DNAH2: variants seen among roughly 807,000 people sequenced by gnomAD.
DNAH2 encodes the protein dynein axonemal heavy chain 2, also known as axonemal beta dynein heavy chain 2.
A neutral mutation model predicts 523.5 loss-of-function variants in DNAH2; 323 were observed. That is an observed-to-expected ratio of 0.62 (90% confidence interval 0.56 to 0.68). The LOEUF (loss-of-function observed/expected upper bound fraction) is 0.68, where lower values mean the gene tolerates loss of function less well. Among genes scored for constraint, DNAH2 ranks in the 30% least tolerant of loss-of-function variants. The pLI, the probability that DNAH2 is intolerant of heterozygous loss-of-function variation, is 0.00. For missense variants in DNAH2, 4,907 were observed against 5,701.5 expected, an observed-to-expected ratio of 0.86 and a Z score of 4.49; for synonymous variants, 2,093 against 2,177.4, an observed-to-expected ratio of 0.96 and a Z score of 1.08.
intron 35 of DNAH2, among the ~76,000 whole-genome samples, chr17:7,778,891 A>G (rs1410693307): frequency 6.6e-6 from 1 of 152,168 alleles, no homozygotes; most frequent in African/African-American, 2.4e-5. Flanking sequence ...TACAACTAGG[A>G]AAGTCCCTTC....
chr17:7,809,386 C>T (rs1181280771), intron 63 of DNAH2, among the ~76,000 whole-genome samples: 3 of 152,104 alleles, frequency 2.0e-5, no homozygotes, highest in East Asian at 1.9e-4. Flanking sequence ...AAGCTGCCCA[C>T]GAGGCCTCTT....
Position 7,778,385 on chromosome 17 carries a change from C to T in DNAH2, c.5457C>T (p.Ala1819=). Residue 1819 remains alanine (A), a synonymous_variant, in exon 35 of 86, where the codon GCC becomes GCT. Coordinates refer to ENST00000572933, the MANE Select transcript of DNAH2 (RefSeq NM_020877.5). ...KTETVKDLGK[A]LGIYVIVVNC... Reference sequence around the variant, plus strand: ...AGACCGTCAAGGACCTGGGCAAGGCCCTGGGCATATATGTCATTGTGGTCA... The same window carrying T: ...AGACCGTCAAGGACCTGGGCAAGGCTCTGGGCATATATGTCATTGTGGTCA... The T allele has an allele frequency of 6.2e-7, 1 of 1,614,204 alleles. No individual in the cohort carries two copies. The highest frequency in any genetic ancestry group is 8.5e-7 in the Non-Finnish European group (1 of 1,180,036).
At chr17:7,808,962 T>C (rs1486307685) in intron 63 of DNAH2, among the ~76,000 whole-genome samples, 1 of 152,164 alleles carries the variant, frequency 6.6e-6, no homozygotes, top group African/African-American at 2.4e-5. Context: ...CTTATCAGTA[T>C]GTAAAGAGCC....
intron 24 of DNAH2, 115 bp from the exon 25 acceptor site, chr17:7,770,137 A>G: frequency 7.2e-7 from 1 of 1,390,982 alleles, no homozygotes; most frequent in Non-Finnish European, 9.6e-7. Flanking sequence ...CCTGTTTAGC[A>G]AAATGAGTTG....
intron 12 of DNAH2, among the ~76,000 whole-genome samples, chr17:7,748,108 TC>T (rs1446187638): frequency 6.6e-6 from 1 of 152,242 alleles, no homozygotes; most frequent in Non-Finnish European, 1.5e-5. Context: ...GGTTTTGGTA[TC>T]CCACCTATAT....
At chr17:7,775,829 G>A (rs562371571) in intron 30 of DNAH2, among the ~76,000 whole-genome samples, 195 bp from the exon 31 acceptor site, 2 of 151,886 alleles carry the variant, frequency 1.3e-5, no homozygotes, top group South Asian at 2.1e-4. Context: ...GCTCTGAACC[G>A]AAATTTCCTT....
At chr17:7,793,501 TTC>T (rs1275283542) in intron 48 of DNAH2, among the ~76,000 whole-genome samples, 1 of 137,812 alleles carries the variant, frequency 7.3e-6, no homozygotes, top group East Asian at 1.9e-4. Flanking sequence ...CTTTCTTTCT[TTC>T]TTTCTTTCTT....
chr17:7,785,393 G>A (rs549470416), intron 39 of DNAH2, among the ~76,000 whole-genome samples: 9 of 152,292 alleles, frequency 5.9e-5, no homozygotes, highest in African/African-American at 2.2e-4. Context: ...GTGAGCCACC[G>A]CGCCTGGCTG....
At chr17:7,741,849 G>C (rs538696268) in intron 11 of DNAH2, among the ~76,000 whole-genome samples, 7 of 150,734 alleles carry the variant, frequency 4.6e-5, no homozygotes. Flanking sequence ...TTTTAGTAGA[G>C]AAGAGGTTTC....
chr17:7,824,816 A>C, intron 77 of DNAH2, 89 bp downstream of exon 77: 1 of 1,162,266 alleles, frequency 8.6e-7, no homozygotes, highest in Non-Finnish European at 1.2e-6. Context: ...AACCAACAAC[A>C]ACATGATTTG....
chr17:7,745,036 C>T (rs190338375), intron 12 of DNAH2, among the ~76,000 whole-genome samples: 1 of 151,914 alleles, frequency 6.6e-6, no homozygotes, highest in Admixed American at 6.5e-5. Flanking sequence ...ACTCTGTCGC[C>T]CAGGTTGGAG....
In DNAH2 at chr17:7,831,083, T is replaced by C. The variant is rs771553136; in HGVS notation, c.12231-3T>C. Reference sequence around the variant, plus strand: ...TGGCAGTAATTATGCTATGACTCCCTAGGTTGTCAGCACTGGAGACTTATT... The same window carrying C: ...TGGCAGTAATTATGCTATGACTCCCCAGGTTGTCAGCACTGGAGACTTATT... On this transcript the variant is annotated splice_polypyrimidine_tract_variant and splice_region_variant and intron_variant, in intron 79 of 85. Transcript: ENST00000572933. The surrounding 1 kb of genome is among the most constrained non-coding windows in gnomAD (Gnocchi z 4.2). 3.1e-6 allele frequency: 5 copies of C among 1,612,376 alleles called. No homozygotes were observed. Among genetic ancestry groups the C allele is most frequent in the Admixed American group, 3.3e-5 (2 of 60,018 alleles).
At chr17:7,773,710 T>C (rs144666537) in intron 28 of DNAH2, among the ~76,000 whole-genome samples, 2 of 152,340 alleles carry the variant, frequency 1.3e-5, no homozygotes, top group Non-Finnish European at 2.9e-5. Context: ...GTTTCACAGA[T>C]AGAAGATTCA....
Position 7,831,560 on chromosome 17 carries a change from C to T in DNAH2, c.12611+19C>T. On this transcript the variant is annotated intron_variant, in intron 81 of 85. Coordinates refer to ENST00000572933, the MANE Select transcript of DNAH2 (RefSeq NM_020877.5). This position sits in a 1 kb window ranked among gnomAD's most constrained non-coding sequence, Gnocchi z 4.2. ...CCATCCTGTAAGACAGAGGGGGACTCTGCGGAACAGGGGAGGGTGTGAGGA... is the reference window on the plus strand; with the variant it reads ...CCATCCTGTAAGACAGAGGGGGACTTTGCGGAACAGGGGAGGGTGTGAGGA... 6.2e-7 allele frequency: 1 copy of T among 1,614,120 alleles called. No homozygotes were observed. The highest frequency in any genetic ancestry group is 8.5e-7 in the Non-Finnish European group (1 of 1,179,990).
chr17:7,771,726 T>A (rs1464421119), intron 28 of DNAH2, among the ~76,000 whole-genome samples: 9 of 151,606 alleles, frequency 5.9e-5, no homozygotes, highest in African/African-American at 9.7e-5. Flanking sequence ...TTAAAAAAAA[T>A]TTTTTTTTTG....
At position 7,787,981 on chromosome 17, in the gene DNAH2, T is replaced by G. The variant is rs1321617696; in HGVS notation, c.6725T>G (p.Leu2242Arg). Residue 2242 changes from leucine to arginine, a missense_variant, in exon 43 of 86, where the codon CTG becomes CGG. By Grantham distance (102) the Leu-to-Arg change is moderately radical. Transcript: ENST00000572933. Reference protein sequence around the residue: ...LGWKPYVQSWLEKRPKAEVEP... With the variant: ...LGWKPYVQSWREKRPKAEVEP... ...TGGAAGCCCTATGTTCAGTCATGGC[T>G]GGAGAAGAGGCCAAAGGTATGAAGG... The G allele has an allele frequency of 1.2e-6, 2 of 1,614,168 alleles. No individual in the cohort carries two copies. The highest frequency in any genetic ancestry group is 2.2e-5 in the East Asian group (1 of 44,876).
chr17:7,773,077 C>T (rs547513074), intron 28 of DNAH2, among the ~76,000 whole-genome samples: 6 of 152,230 alleles, frequency 3.9e-5, no homozygotes, highest in African/African-American at 9.6e-5. Context: ...CCCAGCCTCA[C>T]GTTGGTTTTT....
chr17:7,749,164 C>G (rs543448171), intron 12 of DNAH2, among the ~76,000 whole-genome samples: 1 of 150,516 alleles, frequency 6.6e-6, no homozygotes, highest in African/African-American at 2.4e-5. Context: ...CAAAATTAGC[C>G]GGGCATGGTG....
intron 73 of DNAH2, 125 bp from the exon 74 acceptor site, chr17:7,823,317 T>C: frequency 1.1e-6 from 1 of 944,906 alleles, no homozygotes; most frequent in Non-Finnish European, 1.5e-6. Flanking sequence ...AAAATTCCAT[T>C]TGGTTTTCCC....
Sources: allele counts gnomAD v4.1 joint callset (sites outside exome capture counted in the v4.1 genomes callset), GRCh38; gene constraint gnomAD v4.1.1; non-coding constraint Gnocchi (gnomAD v3.1); transcripts MANE v1.5; gene names NCBI Gene and HGNC (gene_info 2026-07-23, HGNC 2026-07-21).